The following COPB1 variants were observed in gnomAD, a reference collection of about 807,000 sequenced individuals.
COPB1 encodes coatomer subunit beta.
Under a neutral mutation model 108.7 loss-of-function variants are expected in COPB1, and 21 were observed. The observed-to-expected ratio is 0.19, with a 90% CI of 0.14 to 0.28. COPB1 has a LOEUF of 0.28. Ranked by LOEUF, COPB1 falls within the 10% of genes least tolerant of loss-of-function variation. COPB1 has a pLI of 1.00. For missense variants in COPB1, 919 were observed against 1,141.3 expected (o/e 0.81, Z 2.81); for synonymous variants, 378 against 386.8 (o/e 0.98, Z 0.27).
chr11:14,498,817 C>G (rs767489548), intron 2 of COPB1, 21 bp downstream of exon 2: 4 of 1,537,494 alleles, frequency 2.6e-6, no homozygotes, highest in Non-Finnish European at 3.5e-6. Flanking sequence ...ATTTCATTCT[C>G]AAAATAATAT....
At position 14,474,614 on chromosome 11, in the gene COPB1, G is replaced by A. The variant is rs1421467983; in HGVS notation, c.1618C>T (p.Pro540Ser). ...SRPTKKEEDR[P>S]PLRGFLLDGD... Reference sequence around the variant, plus strand: ...TCCAGAAGGAATCCTCTCAAGGGAGGTCTGCAAAGCAACCAAGGAAAATCA... The same window carrying A: ...TCCAGAAGGAATCCTCTCAAGGGAGATCTGCAAAGCAACCAAGGAAAATCA... The change falls in exon 14 of 22, where the codon CCT becomes TCT. Residue 540 changes from proline (P) to serine (S), a missense_variant and splice_region_variant. By Grantham distance (74) the Pro-to-Ser change is moderately conservative (BLOSUM62 -1). Transcript: ENST00000439561. 1 of 1,613,012 alleles carries A rather than the reference G, an allele frequency of 6.2e-7. No homozygotes were observed. The highest frequency in any genetic ancestry group is 8.5e-7 in the Non-Finnish European group (1 of 1,179,638).
chr11:14,458,074 ATTTTT>A (rs748562590), intron 21 of COPB1, among the ~76,000 whole-genome samples, 191 bp from the exon 22 acceptor site: 16 of 100,728 alleles, frequency 1.6e-4, no homozygotes, highest in Non-Finnish European at 2.8e-4. Flanking sequence ...CCGTCACCAG[ATTTTT>A]TTTTTTTTTT....
In COPB1 at chr11:14,499,241, C is replaced by T. The variant is rs375822409; in HGVS notation, c.-57-256G>A. 5.3e-5 allele frequency among the ~76,000 whole-genome samples: 8 copies of T among 152,242 alleles called. No individual in the cohort carries two copies. The East Asian group carries it at 1.2e-3, about 22-fold the overall frequency. ...AAGGCCCACAGAACAGTGACAGTCC[C>T]CCCAGCCACACCCCACAATGTTATG... is the stretch of plus-strand genomic sequence containing the variant. On this transcript the variant is annotated intron_variant, in intron 1 of 21. Transcript: ENST00000439561.
At chr11:14,484,699 C>T (rs1162831305) in intron 7 of COPB1, among the ~76,000 whole-genome samples, 4 of 152,130 alleles carry the variant, frequency 2.6e-5, no homozygotes, top group Admixed American at 6.5e-5. Flanking sequence ...ACCTGAGCGA[C>T]GGAGTGAGAC....
intron 14 of COPB1, among the ~76,000 whole-genome samples, chr11:14,472,505 T>A (rs1850431050): frequency 6.6e-6 from 1 of 152,232 alleles, no homozygotes; most frequent in Non-Finnish European, 1.5e-5. Flanking sequence ...CAACTTAAGT[T>A]ACTGGTTGTA....
In COPB1 at chr11:14,464,613, T is replaced by C. The variant is rs144671528; in HGVS notation, c.2410+298A>G. ...CCTTCCACACTGTTAGCATTTTTTTTTTCCCTAACCTCAAAGCATATGGTA... is the reference window on the plus strand; with the variant it reads ...CCTTCCACACTGTTAGCATTTTTTTCTTCCCTAACCTCAAAGCATATGGTA... On this transcript the variant is annotated intron_variant, in intron 18 of 21. Transcript: ENST00000439561. 8.5e-5 allele frequency among the ~76,000 whole-genome samples: 13 copies of C among 152,280 alleles called. No individual in the cohort carries two copies. In the East Asian group the frequency reaches 2.3e-3, roughly 27 times the overall value.
intron 8 of COPB1, among the ~76,000 whole-genome samples, chr11:14,481,814 A>G (rs542693637): frequency 1.3e-5 from 2 of 151,718 alleles, no homozygotes; most frequent in African/African-American, 4.8e-5. Context: ...TTTGAGATGG[A>G]GTCTTGCTCT....
chr11:14,478,601 C>T (rs1226364000), intron 11 of COPB1, among the ~76,000 whole-genome samples: 3 of 151,048 alleles, frequency 2.0e-5, no homozygotes, highest in Admixed American at 6.6e-5. Context: ...AGAAAGCAAC[C>T]ATTCATTCAT....
chr11:14,496,138 T>C (rs1249078499), intron 2 of COPB1, among the ~76,000 whole-genome samples: 1 of 152,194 alleles, frequency 6.6e-6, no homozygotes. Flanking sequence ...TAAAAGATCC[T>C]TTCTATATTT....
rs763762702 is a variant in COPB1 at position 14,479,621 on chromosome 11, T to C, written c.1306A>G (p.Met436Val). 1.2e-6 allele frequency: 2 copies of C among 1,613,582 alleles called. No homozygotes were observed. The highest frequency in any genetic ancestry group is 1.7e-6 in the Non-Finnish European group (2 of 1,179,782). ...TCAAGCATCTTCTCAACAATAAGCATTCTCAGGTTATCAAAGCGCTGAATG... is the reference window on the plus strand; with the variant it reads ...TCAAGCATCTTCTCAACAATAAGCACTCTCAGGTTATCAAAGCGCTGAATG... ...EAIQRFDNLR[M>V]LIVEKMLEVF... Residue 436 changes from methionine to valine, a missense_variant, in exon 11 of 22, where the codon ATG (methionine) becomes GTG (valine). Physicochemically the swap from Met to Val is conservative, Grantham distance 21. Around this residue, in one of 5 missense-constraint regions of COPB1, gnomAD observed 705 missense variants for 817.8 expected, o/e 0.86. Coordinates refer to ENST00000439561, the MANE Select transcript of COPB1 (RefSeq NM_001144061.2).
Position 14,480,818 on chromosome 11 carries a change from G to T in COPB1, c.1153C>A (p.Arg385=). The T allele has an allele frequency of 6.2e-7, 1 of 1,613,926 alleles. No homozygotes were observed. The highest frequency in any genetic ancestry group is 2.2e-5 in the East Asian group (1 of 44,860). ...DTDKYRQLLV[R]TLHSCSVRFP... ...CGGACAGAACAGGAATGCAATGTTC[G>T]CACTAGGAGTTGTCTGTATTTGTCA... The change falls in exon 10 of 22, where the codon CGA becomes AGA. Residue 385 remains arginine (R), a synonymous_variant. Coordinates refer to ENST00000439561, the MANE Select transcript of COPB1 (RefSeq NM_001144061.2).
intron 7 of COPB1, 40 bp from the exon 8 acceptor site, chr11:14,483,191 C>T (rs763117459): frequency 2.1e-6 from 3 of 1,438,908 alleles, no homozygotes; most frequent in Middle Eastern, 2.5e-4. Flanking sequence ...AGTTATTCAT[C>T]TATCATAAAA....
chr11:14,458,131 G>C (rs1425074789), intron 21 of COPB1, among the ~76,000 whole-genome samples: 3 of 143,124 alleles, frequency 2.1e-5, no homozygotes, highest in African/African-American at 7.8e-5. Context: ...CCAGGTTGGA[G>C]TGAAATGGCA....
chr11:14,491,365 A>C (rs1850898660), intron 4 of COPB1, among the ~76,000 whole-genome samples: 1 of 152,030 alleles, frequency 6.6e-6, no homozygotes, highest in Non-Finnish European at 1.5e-5. Flanking sequence ...TGAAACTTCA[A>C]ATCAATTAGA....
At chr11:14,495,772 C>T (rs1354342556) in intron 2 of COPB1, among the ~76,000 whole-genome samples, 2 of 152,132 alleles carry the variant, frequency 1.3e-5, no homozygotes, top group Non-Finnish European at 2.9e-5. Flanking sequence ...GGGCATTGTT[C>T]CAACTAAGGG....
chr11:14,496,446 A>G (rs1397968638), intron 2 of COPB1, among the ~76,000 whole-genome samples: 1 of 152,284 alleles, frequency 6.6e-6, no homozygotes, highest in African/African-American at 2.4e-5. Context: ...ATCTAATCCC[A>G]TTTACAATAC....
At chr11:14,478,688 G>T (rs1375953596) in intron 11 of COPB1, among the ~76,000 whole-genome samples, 1 of 151,918 alleles carries the variant, frequency 6.6e-6, no homozygotes, top group Admixed American at 6.6e-5. Flanking sequence ...CTGACATCCA[G>T]CAATTCTCCT....
chr11:14,459,226 G>A (rs1850090720), intron 20 of COPB1, among the ~76,000 whole-genome samples: 3 of 142,270 alleles, frequency 2.1e-5, no homozygotes, highest in Admixed American at 7.3e-5. Flanking sequence ...TTCTTAATCC[G>A]ATTTGTATTT....
At chr11:14,484,235 A>G (rs1408104658) in intron 7 of COPB1, among the ~76,000 whole-genome samples, 3 of 152,246 alleles carry the variant, frequency 2.0e-5, no homozygotes, top group Non-Finnish European at 2.9e-5. Context: ...CGATATGACC[A>G]CTGCATACAA....
Sources: gnomAD v4.1 joint callset for allele counts (sites outside exome capture counted in the v4.1 genomes callset) on GRCh38, gnomAD v4.1.1 for gene constraint, gnomAD v4.1.1 regional missense constraint, MANE v1.5 for transcripts, NCBI Gene and HGNC (gene_info 2026-07-23, HGNC 2026-07-21) for gene names.